SEMA6D: variants seen among roughly 807,000 people sequenced by gnomAD.
The protein encoded by SEMA6D is semaphorin 6D.
In SEMA6D, 35 loss-of-function variants were observed where a neutral mutation model predicts 106.6. The observed-to-expected ratio is 0.33, with a 90% CI of 0.25 to 0.44. The LOEUF (loss-of-function observed/expected upper bound fraction) is 0.44. SEMA6D is among the 20% of genes least tolerant of loss of function. SEMA6D has a pLI of 1.00. For missense variants in SEMA6D, 1,185 were observed against 1,345.9 expected, an observed-to-expected ratio of 0.88 and a Z score of 1.87; for synonymous variants, 499 against 487.7, an observed-to-expected ratio of 1.02 and a Z score of -0.31.
At chr15:47,596,257 C>T (rs572822797) in intron 3 of SEMA6D, among the ~76,000 whole-genome samples, 13 of 152,026 alleles carry the variant, frequency 8.6e-5, no homozygotes, top group East Asian at 3.9e-4. Context: ...ACAATGAAAA[C>T]GTAGAACATC....
At chr15:47,327,297 T>G (rs768119606) in intron 1 of SEMA6D, among the ~76,000 whole-genome samples, 3 of 152,358 alleles carry the variant, frequency 2.0e-5, no homozygotes, top group South Asian at 2.1e-4. Context: ...AACCAGTCAG[T>G]GGCTTAGTGC....
chr15:47,422,691 G>A (rs1371605519), intron 2 of SEMA6D, among the ~76,000 whole-genome samples: 2 of 152,010 alleles, frequency 1.3e-5, no homozygotes, highest in Admixed American at 1.3e-4. Flanking sequence ...GATGTTGGAT[G>A]TACTTTTTCT....
At chr15:47,606,316 T>G (rs1404767524) in intron 4 of SEMA6D, 1 of 152,116 alleles carries the variant, frequency 6.6e-6, no homozygotes, top group African/African-American at 2.4e-5. Context: ...GAGAGAGAGA[T>G]CTGAGAATAA....
At chr15:47,593,808 T>C (rs1171301688) in intron 3 of SEMA6D, among the ~76,000 whole-genome samples, 1 of 152,088 alleles carries the variant, frequency 6.6e-6, no homozygotes, top group East Asian at 1.9e-4. Flanking sequence ...ATCACGTGGC[T>C]GGAGTGGAAG....
intron 1 of SEMA6D, among the ~76,000 whole-genome samples, chr15:47,282,401 C>T (rs2035167241): frequency 6.6e-6 from 1 of 152,108 alleles, no homozygotes; most frequent in Non-Finnish European, 1.5e-5. Context: ...TACTATACAG[C>T]AGGGAGAATA....
intron 1 of SEMA6D, among the ~76,000 whole-genome samples, chr15:47,301,985 G>GA (rs1161927458): frequency 1.3e-5 from 2 of 152,128 alleles, no homozygotes; most frequent in African/African-American, 4.8e-5. Context: ...GCAAGTGAAA[G>GA]AAAAAAGTTG....
chr15:47,290,305 A>G (rs914159626), intron 1 of SEMA6D, among the ~76,000 whole-genome samples: 5 of 152,156 alleles, frequency 3.3e-5, no homozygotes, highest in Admixed American at 3.3e-4. Context: ...TCCTGAAACT[A>G]AAGTAAGAAT....
intron 1 of SEMA6D, among the ~76,000 whole-genome samples, chr15:47,195,030 T>G (rs1027622644): frequency 6.6e-6 from 1 of 152,140 alleles, no homozygotes; most frequent in Admixed American, 6.6e-5. Context: ...GTAAAGGAAA[T>G]TTGATGAAAA....
At chr15:47,539,159 TAAC>T (rs2045275163) in intron 3 of SEMA6D, among the ~76,000 whole-genome samples, 2 of 152,312 alleles carry the variant, frequency 1.3e-5, no homozygotes, top group African/African-American at 4.8e-5. Flanking sequence ...ATGTAAAACA[TAAC>T]AATTTTATTT....
chr15:47,561,762 TAAAC>T (rs916905807), intron 3 of SEMA6D, among the ~76,000 whole-genome samples: 9 of 151,782 alleles, frequency 5.9e-5, no homozygotes, highest in Non-Finnish European at 1.2e-4. Flanking sequence ...AAGATTTTAT[TAAAC>T]AATAATTAAA....
chr15:47,594,710 A>G (rs2076503848), intron 3 of SEMA6D, among the ~76,000 whole-genome samples: 1 of 152,208 alleles, frequency 6.6e-6, no homozygotes, highest in East Asian at 1.9e-4. Context: ...AGTATAATTT[A>G]TAGTTTGATG....
chr15:47,305,896 TCTCAGTGCTAGCAC>T (rs1377682458), intron 1 of SEMA6D, among the ~76,000 whole-genome samples: 2 of 152,204 alleles, frequency 1.3e-5, no homozygotes, highest in East Asian at 3.8e-4. Flanking sequence ...GATTTTACAT[TCTCAGTGCTAGCAC>T]CTGCTATTGG....
intron 11 of SEMA6D, 28 bp from the exon 12 acceptor site, chr15:47,764,610 G>A: frequency 6.2e-7 from 1 of 1,612,332 alleles, no homozygotes; most frequent in Non-Finnish European, 8.5e-7. Flanking sequence ...GCAGCCGAGA[G>A]CATAAAATAA....
intron 1 of SEMA6D, among the ~76,000 whole-genome samples, chr15:47,189,320 A>G (rs1005557423): frequency 2.0e-5 from 3 of 152,152 alleles, no homozygotes; most frequent in Admixed American, 1.3e-4. Flanking sequence ...TAAATACAGT[A>G]TTTGTTCTAA....
chr15:47,314,712 A>G (rs979569723), intron 1 of SEMA6D, among the ~76,000 whole-genome samples: 2 of 151,538 alleles, frequency 1.3e-5, no homozygotes, highest in African/African-American at 2.4e-5. Flanking sequence ...TTGTCTTTGC[A>G]GTCTCTGGAC....
chr15:47,348,727 C>CACACAGAG (rs1450109233), intron 1 of SEMA6D, among the ~76,000 whole-genome samples: 3 of 57,054 alleles, frequency 5.3e-5, no homozygotes, highest in African/African-American at 9.9e-5. Flanking sequence ...ACCACACACA[C>CACACAGAG]AGAGAGAGAG....
chr15:47,659,193 T>C (rs903169008), intron 4 of SEMA6D, among the ~76,000 whole-genome samples: 3 of 151,982 alleles, frequency 2.0e-5, no homozygotes, highest in Non-Finnish European at 4.4e-5. Context: ...GATATATCAC[T>C]CAGTTAGTAT....
chr15:47,759,914 C>T lies in SEMA6D; in HGVS notation c.109+7C>T, dbSNP rs753976034. ...AATACTGTCGACTATCACTGTAAGT[C>T]GTCTCAAGAACAGTCTTCTATTCTG... On this transcript the variant is annotated splice_region_variant and intron_variant, in intron 2 of 18. Coordinates refer to ENST00000536845, the MANE Select transcript of SEMA6D (RefSeq NM_001358351.3). The T allele has an allele frequency of 5.1e-6, 8 of 1,583,794 alleles. No individual in the cohort carries two copies. Among genetic ancestry groups the T allele is most frequent in the Admixed American group, 1.7e-5 (1 of 59,952 alleles).
At chr15:47,210,764 C>CAAAA (rs34743184) in intron 1 of SEMA6D, among the ~76,000 whole-genome samples, 14 of 62,700 alleles carry the variant, frequency 2.2e-4, no homozygotes, top group Middle Eastern at 8.5e-3. Context: ...GACTCCGTCT[C>CAAAA]AAAAAAAAAA....
Sources: allele counts gnomAD v4.1 joint callset (sites outside exome capture counted in the v4.1 genomes callset), GRCh38; gene constraint gnomAD v4.1.1; transcripts MANE v1.5; gene names NCBI Gene and HGNC (gene_info 2026-07-23, HGNC 2026-07-21).